Variants in SH3RF3 observed in about 807,000 individuals in gnomAD.
The protein encoded by SH3RF3 is E3 ubiquitin-protein ligase SH3RF3.
Under a neutral mutation model 66.3 loss-of-function variants are expected in SH3RF3, and 29 were observed. The observed-to-expected ratio is 0.44, with a 90% CI of 0.33 to 0.60. SH3RF3 has a LOEUF of 0.60. Ranked by LOEUF, SH3RF3 falls within the 20% of genes least tolerant of loss-of-function variation. SH3RF3 has a pLI of 0.04. For synonymous variants in SH3RF3, 583 were observed against 532.0 expected, an observed-to-expected ratio of 1.10 and a Z score of -1.32; for missense variants, 1,194 against 1,190.9, an observed-to-expected ratio of 1.00 and a Z score of -0.04.
At position 109,129,328 on chromosome 2, in the gene SH3RF3, GC is replaced by G; in HGVS notation, c.-211del. ...GCTCAGGACTGGGCGGGCTCGGCTG[GC>G]CGGTCCCCGCCACGCAGGCCGGTCC... On this transcript the variant is annotated 5_prime_UTR_variant, in exon 1 of 10. Coordinates refer to ENST00000309415, the MANE Select transcript of SH3RF3 (RefSeq NM_001099289.3). 1 of 1,288 alleles carries G rather than the reference GC, an allele frequency of 7.8e-4. No individual in the cohort carries two copies. Among genetic ancestry groups the G allele is most frequent in the Non-Finnish European group, 0.045 (1 of 22 alleles). The allele number at this position is 1,288 out of a possible 1,614,324, so 0.1% of individuals were successfully genotyped here. A position where few individuals can be genotyped will look rare whatever the true frequency, so the allele number is the denominator to read the frequency against.
intron 6 of SH3RF3, 63 bp downstream of exon 6, chr2:109,432,734 G>A (rs1677273848): frequency 6.5e-7 from 1 of 1,542,258 alleles, no homozygotes; most frequent in Non-Finnish European, 8.7e-7. Flanking sequence ...CCTTACCGCT[G>A]TTGTTACTGC....
chr2:109,191,444 A>G (rs1014800625), intron 1 of SH3RF3, among the ~76,000 whole-genome samples: 1 of 152,122 alleles, frequency 6.6e-6, no homozygotes, highest in Admixed American at 6.5e-5. Flanking sequence ...TTATAAATCA[A>G]TGTGTTTGGG....
At chr2:109,388,680 C>G (rs1364594034) in intron 3 of SH3RF3, among the ~76,000 whole-genome samples, 1 of 152,208 alleles carries the variant, frequency 6.6e-6, no homozygotes, top group African/African-American at 2.4e-5. Flanking sequence ...ACTTTGCCCC[C>G]AGCACTAAAC....
chr2:109,349,832 G>C (rs568098594), intron 2 of SH3RF3, among the ~76,000 whole-genome samples: 3 of 152,228 alleles, frequency 2.0e-5, no homozygotes, highest in Non-Finnish European at 4.4e-5. Flanking sequence ...TGCATTCCAC[G>C]GGCCTCTGCC....
rs188272887 is a variant in SH3RF3 at position 109,260,606 on chromosome 2, G to A, written c.574-87068G>A. On this transcript the variant is annotated intron_variant, in intron 1 of 9. Coordinates refer to ENST00000309415, the MANE Select transcript of SH3RF3 (RefSeq NM_001099289.3). ...CTTGTATGTGGAGTGCCTGATGCAG[G>A]ATCTGACTGGTGAGGTGGCCCATGG... 1.1e-3 allele frequency among the ~76,000 whole-genome samples: 164 copies of A among 152,322 alleles called. 1 individual carries two copies. The highest frequency in any genetic ancestry group is 3.7e-3 in the African/African-American group (155 of 41,570).
rs374903401 is a variant in SH3RF3, at chr2:109,449,378, C to T, written c.2037C>T (p.Asn679=). ...CAGCATCAGCCATCACACCTCCCAACGTCAGTGCCGCAAACCTCAACGGGG... is the reference window on the plus strand; with the variant it reads ...CAGCATCAGCCATCACACCTCCCAATGTCAGTGCCGCAAACCTCAACGGGG... The part of the protein sequence containing the change: ...TSAASAITPP[N]VSAANLNGEA... Residue 679 remains asparagine (N), a synonymous_variant, in exon 8 of 10, where the codon AAC becomes AAT. Coordinates refer to ENST00000309415, the MANE Select transcript of SH3RF3 (RefSeq NM_001099289.3). 5.0e-6 allele frequency: 8 copies of T among 1,611,200 alleles called. No homozygotes were observed. Among genetic ancestry groups the T allele is most frequent in the South Asian group, 2.2e-5 (2 of 90,494 alleles).
At chr2:109,218,504 A>G (rs940751916) in intron 1 of SH3RF3, among the ~76,000 whole-genome samples, 18 of 152,240 alleles carry the variant, frequency 1.2e-4, no homozygotes, top group Non-Finnish European at 1.9e-4. Context: ...CAGAAATAGA[A>G]GAGCAGATGG....
chr2:109,496,280 A>G (rs1679259203), intron 9 of SH3RF3, among the ~76,000 whole-genome samples: 1 of 152,136 alleles, frequency 6.6e-6, no homozygotes, highest in Non-Finnish European at 1.5e-5. Context: ...CTTGCTAGCT[A>G]CAGAGCGCTG....
chr2:109,279,857 G>A (rs965265078), intron 1 of SH3RF3, among the ~76,000 whole-genome samples: 6 of 152,082 alleles, frequency 3.9e-5, no homozygotes, highest in Non-Finnish European at 8.8e-5. Flanking sequence ...GCCCTGTAGC[G>A]AGGCTTAGGG....
intron 5 of SH3RF3, among the ~76,000 whole-genome samples, chr2:109,422,745 T>C (rs1676915813): frequency 6.6e-6 from 1 of 152,132 alleles, no homozygotes; most frequent in African/African-American, 2.4e-5. Flanking sequence ...GTTGATGAAA[T>C]GCTGTGAGTA....
chr2:109,458,683 C>T (rs1420594176), intron 8 of SH3RF3, among the ~76,000 whole-genome samples: 1 of 152,074 alleles, frequency 6.6e-6, no homozygotes, highest in African/African-American at 2.4e-5. Context: ...GCTGGACCCT[C>T]AGTCAGGAGT....
chr2:109,175,424 G>A (rs1677895035), intron 1 of SH3RF3, among the ~76,000 whole-genome samples: 1 of 152,208 alleles, frequency 6.6e-6, no homozygotes, highest in Non-Finnish European at 1.5e-5. Context: ...CAAACTTTTT[G>A]GCAGTCGTCT....
rs1188955977 is a variant in SH3RF3 at position 109,260,939 on chromosome 2, A to C, written c.574-86735A>C. ...TGAGAGGAAGGCCACTCTGTTTACA[A>C]GCAGTGAGGCTGGACTGTTTGAGGT... On this transcript the variant is annotated intron_variant, in intron 1 of 9. Transcript: ENST00000309415. Among the ~76,000 whole-genome samples the C allele has an allele frequency of 3.3e-5, 5 of 152,168 alleles. No individual in the cohort carries two copies. The East Asian group carries it at 9.7e-4, about 30-fold the overall frequency.
At chr2:109,499,962 G>A (rs1679347967) in intron 9 of SH3RF3, among the ~76,000 whole-genome samples, 1 of 152,198 alleles carries the variant, frequency 6.6e-6, no homozygotes. Context: ...GAGGCAGCGA[G>A]TGGGGGCTCA....
At chr2:109,157,376 C>T (rs1007916696) in intron 1 of SH3RF3, among the ~76,000 whole-genome samples, 6 of 152,194 alleles carry the variant, frequency 3.9e-5, no homozygotes, top group South Asian at 2.1e-4. Context: ...TAGACTCCCA[C>T]GTGCCATCCA....
rs70958708 is a variant in SH3RF3 at position 109,458,572 on chromosome 2, C to CAGAGAGAGAGAGAG, written c.2148+9099_2148+9112dup. On this transcript the variant is annotated intron_variant, in intron 8 of 9. Coordinates refer to ENST00000309415, the MANE Select transcript of SH3RF3 (RefSeq NM_001099289.3). ...CCAGAGAAACAGAACCAGCAGGAGA[C>CAGAGAGAGAGAGAG]AGAGAGAGAGAGAGAGAGAGAGAGA... is the stretch of plus-strand genomic sequence containing the variant. Among the ~76,000 whole-genome samples the CAGAGAGAGAGAGAG allele has an allele frequency of 5.9e-3, 730 of 123,038 alleles. 40 individuals are homozygous for CAGAGAGAGAGAGAG. The highest frequency in any genetic ancestry group is 0.039 in the South Asian group (142 of 3,638). 80.7% of individuals were successfully genotyped at this position (123,038 alleles called of 152,430 possible). A position where few individuals can be genotyped will look rare whatever the true frequency, so the allele number is the denominator to read the frequency against.
intron 1 of SH3RF3, among the ~76,000 whole-genome samples, chr2:109,132,897 T>G (rs1676730162): frequency 6.6e-6 from 1 of 152,242 alleles, no homozygotes; most frequent in African/African-American, 2.4e-5. Flanking sequence ...ATTCAAAACA[T>G]GCTTTTTAAT....
intron 1 of SH3RF3, among the ~76,000 whole-genome samples, chr2:109,166,192 A>G (rs561084499): frequency 6.6e-6 from 1 of 152,090 alleles, no homozygotes; most frequent in Non-Finnish European, 1.5e-5. Context: ...CAAAGGAAAG[A>G]TGCAGGCCAG....
chr2:109,131,620 C>T (rs1192218452), intron 1 of SH3RF3, among the ~76,000 whole-genome samples: 3 of 152,132 alleles, frequency 2.0e-5, no homozygotes, highest in African/African-American at 7.2e-5. Flanking sequence ...AGGAGGTAAC[C>T]TCTGACATGT....
Sources: gnomAD v4.1 joint callset for allele counts (sites outside exome capture counted in the v4.1 genomes callset) on GRCh38, gnomAD v4.1.1 for gene constraint, MANE v1.5 for transcripts, NCBI Gene and HGNC (gene_info 2026-07-23, HGNC 2026-07-21) for gene names.